APC: variants seen among roughly 807,000 people sequenced by gnomAD.
The protein encoded by APC is APC regulator of Wnt signaling pathway.
A neutral mutation model predicts 247.0 loss-of-function variants in APC; 72 were observed. The ratio of observed to expected loss-of-function variants is 0.29; its 90% confidence interval spans 0.24 to 0.35. The LOEUF is 0.35. Among genes scored for constraint, APC ranks in the 10% least tolerant of loss-of-function variants. The pLI is 1.00. For synonymous variants in APC, 1,254 were observed against 1,162.5 expected (o/e 1.08, Z -1.60); for missense variants, 3,400 against 3,360.7 (o/e 1.01, Z -0.29).
chr5:112,734,973 C>CT (rs1752298712), upstream of APC, among the ~76,000 whole-genome samples: 2 of 151,466 alleles, frequency 1.3e-5, no homozygotes, highest in African/African-American at 2.4e-5. Flanking sequence ...CCTATTTAGT[C>CT]ATTTTTTTTT....
At chr5:112,822,029 C>T (rs899102384) in intron 11 of APC, 38 bp downstream of exon 11, 7 of 1,304,346 alleles carry the variant, frequency 5.4e-6, no homozygotes, top group Non-Finnish European at 7.7e-6. Flanking sequence ...TAGACAATTA[C>T]TGGTGGATTT....
upstream of APC, among the ~76,000 whole-genome samples, chr5:112,736,114 A>G (rs894555373): frequency 6.6e-6 from 1 of 152,194 alleles, no homozygotes; most frequent in Non-Finnish European, 1.5e-5. Flanking sequence ...ATTTGTCACA[A>G]AAAATGACTT....
At chr5:112,707,776 C>T (rs1750607093) in exon 1 of APC, 2 of 1,370,692 alleles carry the variant, frequency 1.5e-6, no homozygotes, top group Non-Finnish European at 1.9e-6. Flanking sequence ...GTACCACCCT[C>T]AGTTCTCGGG....
intron 1 of APC, among the ~76,000 whole-genome samples, chr5:112,709,035 C>G (rs1289654255): frequency 6.6e-6 from 1 of 152,128 alleles, no homozygotes; most frequent in Non-Finnish European, 1.5e-5. Flanking sequence ...TGTCAAGAGC[C>G]CCAAAATTGT....
intron 1 of APC, among the ~76,000 whole-genome samples, chr5:112,718,185 A>G (rs1751288805): frequency 6.6e-6 from 1 of 151,314 alleles, no homozygotes; most frequent in Non-Finnish European, 1.5e-5. Flanking sequence ...AAGCATAGTT[A>G]TTTTTCAGTT....
rs78904352 is a variant in APC at position 112,781,935 on chromosome 5, T to C, written c.645+1032T>C. Among the ~76,000 whole-genome samples the C allele has an allele frequency of 7.4e-3, 1,128 of 152,252 alleles. 18 individuals carry two copies. Among genetic ancestry groups the C allele is most frequent in the African/African-American group, 0.025 (1,058 of 41,558 alleles). On this transcript the variant is annotated intron_variant, in intron 6 of 15. Transcript: ENST00000257430. Reference sequence around the variant, plus strand: ...TGCCCAGCTAGTTTTTGTTTCGCCATGTTTGCCAGGCTGGTCTTGAACTGC... The same window carrying C: ...TGCCCAGCTAGTTTTTGTTTCGCCACGTTTGCCAGGCTGGTCTTGAACTGC...
intron 6 of APC, among the ~76,000 whole-genome samples, chr5:112,782,804 C>G (rs1002219115): frequency 8.5e-5 from 13 of 152,062 alleles, no homozygotes; most frequent in Admixed American, 7.9e-4. Context: ...TTATCTTCAA[C>G]AGGTACCTGA....
chr5:112,731,366 G>A (rs1752089813), intron 1 of APC, among the ~76,000 whole-genome samples: 1 of 152,162 alleles, frequency 6.6e-6, no homozygotes, highest in Non-Finnish European at 1.5e-5. Context: ...GAGCTGAGAC[G>A]TCCAAGAGCA....
chr5:112,803,586 A>C (rs1228282805), intron 8 of APC, among the ~76,000 whole-genome samples: 1 of 152,224 alleles, frequency 6.6e-6, no homozygotes, highest in African/African-American at 2.4e-5. Context: ...AGATACCCTT[A>C]ACACAGTCCC....
In APC at chr5:112,780,817, A is replaced by G; in HGVS notation, c.559A>G (p.Arg187Gly). Reference sequence around the variant, plus strand: ...TTCCTTACAAACAGATATGACCAGAAGGCAATTGGAATATGAAGCAAGGCA... The same window carrying G: ...TTCCTTACAAACAGATATGACCAGAGGGCAATTGGAATATGAAGCAAGGCA... Reference protein sequence around the residue: ...NFSLQTDMTRRQLEYEARQIR... With the variant: ...NFSLQTDMTRGQLEYEARQIR... Residue 187 changes from arginine to glycine, a missense_variant, in exon 6 of 16, where the codon AGG becomes GGG. Arg to Gly is a moderately radical substitution (Grantham distance 125, BLOSUM62 -2). Coordinates refer to ENST00000257430, the MANE Select transcript of APC (RefSeq NM_000038.6). The G allele has an allele frequency of 6.2e-7, 1 of 1,612,888 alleles. No individual in the cohort carries two copies. Among genetic ancestry groups the G allele is most frequent in the Non-Finnish European group, 8.5e-7 (1 of 1,179,050 alleles).
Position 112,815,255 on chromosome 5 carries a change from T to G in APC, c.835-240T>G, listed in dbSNP as rs149989576. ...CCCTAGAATTTCTTCAGTCTTTGGT[T>G]AAGTCCATTCTGCAGTTTAATGCTC... is the stretch of plus-strand genomic sequence containing the variant. On this transcript the variant is annotated intron_variant, in intron 8 of 15. Coordinates refer to ENST00000257430, the MANE Select transcript of APC (RefSeq NM_000038.6). 4.9e-4 allele frequency among the ~76,000 whole-genome samples: 75 copies of G among 152,362 alleles called. No homozygotes were observed. In the East Asian group the frequency reaches 0.012, roughly 25 times the overall value.
At position 112,816,761 on chromosome 5, in the gene APC, C is replaced by G. The variant is rs181843088; in HGVS notation, c.933+1168C>G. Among the ~76,000 whole-genome samples, 741 of 150,358 alleles carry G rather than the reference C, an allele frequency of 4.9e-3. 9 individuals carry two copies. Among genetic ancestry groups the G allele is most frequent in the African/African-American group, 0.018 (719 of 40,992 alleles). ...TGAGCTGAGATTGTGCCATTGCACTCCAGCCTGGGCAACAAGAGCAAAACT... is the reference window on the plus strand; with the variant it reads ...TGAGCTGAGATTGTGCCATTGCACTGCAGCCTGGGCAACAAGAGCAAAACT... On this transcript the variant is annotated intron_variant, in intron 9 of 15. Transcript: ENST00000257430.
chr5:112,824,668 T>G (rs1763463533), intron 11 of APC, among the ~76,000 whole-genome samples: 1 of 152,172 alleles, frequency 6.6e-6, no homozygotes, highest in Non-Finnish European at 1.5e-5. Flanking sequence ...CAGGCAAGAT[T>G]TTATACAGAC....
intron 10 of APC, among the ~76,000 whole-genome samples, chr5:112,821,017 C>G (rs1244776476): frequency 6.6e-6 from 1 of 151,672 alleles, no homozygotes; most frequent in East Asian, 1.9e-4. Flanking sequence ...GCATGTGCCA[C>G]CACAACTGAC....
intron 8 of APC, among the ~76,000 whole-genome samples, chr5:112,803,773 A>T (rs994643232): frequency 5.3e-5 from 8 of 152,232 alleles, no homozygotes; most frequent in Non-Finnish European, 1.5e-5. Context: ...TGCAAATATT[A>T]AAAATGATAA....
In APC at chr5:112,845,966, ATCT is replaced by A. The variant is rs1236754617; in HGVS notation, c.*1841_*1843del. ...TGAAAATCACATCAAGTAGTTAATT[ATCT>A]ACCCCTTACCTGTGTTTATAACTTC... On this transcript the variant is annotated 3_prime_UTR_variant, in exon 16 of 16. Coordinates refer to ENST00000257430, the MANE Select transcript of APC (RefSeq NM_000038.6). The A allele has an allele frequency of 8.6e-6, 2 of 232,202 alleles. No individual in the cohort carries two copies. Among genetic ancestry groups the A allele is most frequent in the Admixed American group, 1.1e-4 (2 of 17,766 alleles). The allele number at this position is 232,202 out of a possible 1,614,324, so 14.4% of individuals were successfully genotyped here.
intron 6 of APC, chr5:112,783,765 C>CAAAAAAAAAAAAAAAA (rs77929348): frequency 1.0e-5 from 2 of 198,100 alleles, no homozygotes; most frequent in Non-Finnish European, 9.2e-6. Context: ...CCACTGCACT[C>CAAAAAAAAAAAAAAAA]AAAAAAAAAA....
intron 1 of APC, among the ~76,000 whole-genome samples, chr5:112,748,376 A>C (rs1753914176): frequency 6.6e-6 from 1 of 152,054 alleles, no homozygotes; most frequent in Non-Finnish European, 1.5e-5. Context: ...TATATTATTG[A>C]TTTTGTATCT....
intron 1 of APC, among the ~76,000 whole-genome samples, chr5:112,715,226 C>T (rs1161884349): frequency 3.9e-5 from 6 of 152,182 alleles, no homozygotes; most frequent in African/African-American, 1.4e-4. Context: ...TTGAAGCCTG[C>T]TGTAGGCAGA....
Sources: allele counts gnomAD v4.1 joint callset (sites outside exome capture counted in the v4.1 genomes callset), GRCh38; gene constraint gnomAD v4.1.1; transcripts MANE v1.5; gene names NCBI Gene and HGNC (gene_info 2026-07-23, HGNC 2026-07-21).